PCDHA4: variants seen among roughly 807,000 people sequenced by gnomAD.
PCDHA4 encodes the protein protocadherin alpha-4.
Under a neutral mutation model 61.4 loss-of-function variants are expected in PCDHA4, and 49 were observed. That is an observed-to-expected ratio of 0.80 (90% CI 0.63 to 1.01). PCDHA4 has a LOEUF of 1.01. PCDHA4 is among the 50% of genes least tolerant of loss of function. The pLI, the probability that PCDHA4 is intolerant of heterozygous loss-of-function variation, is 0.00. For missense variants in PCDHA4, 1,254 were observed against 1,235.8 expected (o/e 1.01, Z -0.22); for synonymous variants, 590 against 550.3 (o/e 1.07, Z -1.01).
intron 1 of PCDHA4, chr5:140,966,755 C>T (rs1554228616): frequency 7.0e-7 from 1 of 1,434,520 alleles, no homozygotes; most frequent in Admixed American, 2.7e-5. Context: ...GCCTCCGCCG[C>T]GGCCAGTGGC....
chr5:140,890,822 A>T (rs1044008204), intron 1 of PCDHA4, among the ~76,000 whole-genome samples: 8 of 152,186 alleles, frequency 5.3e-5, no homozygotes, highest in Non-Finnish European at 1.0e-4. Flanking sequence ...TTTTAAATGT[A>T]CTTACATATT....
At chr5:140,967,171 G>A (rs181864889) in intron 1 of PCDHA4, 2 of 1,611,944 alleles carry the variant, frequency 1.2e-6, no homozygotes, top group Non-Finnish European at 8.5e-7. Flanking sequence ...GCGCCGTTGA[G>A]GTGGAAATAT....
chr5:140,874,485 T>C (rs1235889322), intron 1 of PCDHA4, among the ~76,000 whole-genome samples: 1 of 152,218 alleles, frequency 6.6e-6, no homozygotes, highest in Non-Finnish European at 1.5e-5. Flanking sequence ...AAGCAAAAGG[T>C]TGATATCAAG....
chr5:140,830,284 G>T (rs2150184332), intron 1 of PCDHA4: 7 of 1,613,854 alleles, frequency 4.3e-6, no homozygotes, highest in Non-Finnish European at 5.9e-6. Context: ...CCGAGGGCGC[G>T]TGCACGGCGG....
intron 3 of PCDHA4, among the ~76,000 whole-genome samples, chr5:140,984,886 C>A (rs1254649508): frequency 1.3e-5 from 2 of 151,720 alleles, no homozygotes; most frequent in Non-Finnish European, 2.9e-5. Context: ...ACCATGAGAA[C>A]TAAAGGAGAA....
intron 1 of PCDHA4, chr5:140,821,943 G>A (rs2150112209): frequency 1.2e-6 from 2 of 1,614,184 alleles, no homozygotes; most frequent in East Asian, 4.5e-5. Context: ...TGGAGCTGGC[G>A]GAGCTGGTGC....
chr5:140,883,747 G>A (rs781812387), intron 1 of PCDHA4: 5 of 1,613,274 alleles, frequency 3.1e-6, no homozygotes, highest in South Asian at 2.2e-5. Context: ...TCTCCTACTC[G>A]CTGGTGGAGC....
intron 1 of PCDHA4, chr5:140,843,444 C>T: frequency 1.3e-6 from 2 of 1,596,146 alleles, no homozygotes; most frequent in Non-Finnish European, 1.7e-6. Flanking sequence ...TGCGCGGTAT[C>T]CAGCCTGCTG....
chr5:140,836,931 A>G (rs1774819747), intron 1 of PCDHA4: 4 of 485,440 alleles, frequency 8.2e-6, no homozygotes, highest in South Asian at 4.0e-5. Context: ...GATGCGTAAT[A>G]CTATAGATCA....
At chr5:140,830,285 T>A in intron 1 of PCDHA4, 1 of 1,613,564 alleles carries the variant, frequency 6.2e-7, no homozygotes, top group Non-Finnish European at 8.5e-7. Flanking sequence ...CGAGGGCGCG[T>A]GCACGGCGGA....
At chr5:140,824,610 G>GTTTTTTTTTTTTTTTTTTTTT (rs782443702) in intron 1 of PCDHA4, 4 of 95,110 alleles carry the variant, frequency 4.2e-5, no homozygotes, top group South Asian at 3.6e-4. Context: ...GCTAATTAAA[G>GTTTTTTTTTTTTTTTTTTTTT]TTTTTTTTTT....
intron 1 of PCDHA4, among the ~76,000 whole-genome samples, chr5:140,957,038 C>A (rs534661886): frequency 2.0e-5 from 3 of 151,928 alleles, no homozygotes; most frequent in African/African-American, 7.3e-5. Context: ...TTATGGGAGT[C>A]ATATAAAATA....
At chr5:140,976,232 G>C (rs2096707189) in intron 1 of PCDHA4, among the ~76,000 whole-genome samples, 1 of 152,098 alleles carries the variant, frequency 6.6e-6, no homozygotes, top group Non-Finnish European at 1.5e-5. Flanking sequence ...AAAAATATAT[G>C]TCATTTCATG....
At chr5:140,830,346 A>T in intron 1 of PCDHA4, 2 of 1,614,054 alleles carry the variant, frequency 1.2e-6, no homozygotes, top group Non-Finnish European at 1.7e-6. Flanking sequence ...TCGTACTCGC[A>T]GCAGAGGCGG....
intron 1 of PCDHA4, among the ~76,000 whole-genome samples, chr5:140,964,392 C>A (rs2095829219): frequency 6.6e-6 from 1 of 152,072 alleles, no homozygotes; most frequent in African/African-American, 2.4e-5. Flanking sequence ...GGTTTTTCTC[C>A]CAAGACATGA....
At chr5:140,821,261 AT>A (rs1766930813) in intron 1 of PCDHA4, among the ~76,000 whole-genome samples, 1 of 152,196 alleles carries the variant, frequency 6.6e-6, no homozygotes. Flanking sequence ...CTTAAAAGTT[AT>A]TTTTATCAGT....
chr5:140,968,871 C>A lies in PCDHA4; in HGVS notation c.2386-10078C>A, dbSNP rs782670653. 11 of 1,614,218 alleles carry A rather than the reference C, an allele frequency of 6.8e-6. No individual in the cohort carries two copies. In the South Asian group the frequency reaches 1.2e-4, roughly 18 times the overall value. On this transcript the variant is annotated intron_variant, in intron 1 of 3. Coordinates refer to ENST00000530339, the MANE Select transcript of PCDHA4 (RefSeq NM_018907.4). ...CATGTTAAGAGCCCTCGGACATACT[C>A]TGAAATTACCCTTTATCTAATAATA...
chr5:140,873,181 T>C (rs2153284921), intron 1 of PCDHA4, among the ~76,000 whole-genome samples: 1 of 152,304 alleles, frequency 6.6e-6, no homozygotes, highest in African/African-American at 2.4e-5. Flanking sequence ...TGTATCATAA[T>C]ATTCATTGGC....
At chr5:140,892,896 C>T (rs1489868294) in intron 1 of PCDHA4, among the ~76,000 whole-genome samples, 1 of 152,112 alleles carries the variant, frequency 6.6e-6, no homozygotes, top group Non-Finnish European at 1.5e-5. Flanking sequence ...CCAACCTTTC[C>T]CCATCCTCCT....
Sources: gnomAD v4.1 joint callset for allele counts (sites outside exome capture counted in the v4.1 genomes callset) on GRCh38, gnomAD v4.1.1 for gene constraint, MANE v1.5 for transcripts, NCBI Gene and HGNC (gene_info 2026-07-23, HGNC 2026-07-21) for gene names.